The following NTM variants were observed in gnomAD, a reference collection of about 807,000 sequenced individuals.
The protein encoded by NTM is neurotrimin.
Under a neutral mutation model 42.1 loss-of-function variants are expected in NTM, and 13 were observed. The observed-to-expected ratio is 0.31, with a 90% CI of 0.20 to 0.49. The LOEUF is 0.49. NTM is among the 20% of genes least tolerant of loss of function. The probability of loss-of-function intolerance (pLI) is 0.99; values close to 1 mark genes in which losing one functional copy is unlikely to be tolerated. For synonymous variants in NTM, 187 were observed against 179.2 expected (o/e 1.04, Z -0.35); for missense variants, 373 against 452.8 (o/e 0.82, Z 1.60).
intron 2 of NTM, among the ~76,000 whole-genome samples, chr11:132,134,066 G>C (rs1218923418): frequency 6.6e-6 from 1 of 152,134 alleles, no homozygotes; most frequent in African/African-American, 2.4e-5. Context: ...TGGGACTATA[G>C]GCACATGCCA....
chr11:132,259,573 G>A (rs1036669399), intron 4 of NTM, among the ~76,000 whole-genome samples: 5 of 151,744 alleles, frequency 3.3e-5, no homozygotes, highest in Admixed American at 1.3e-4. Context: ...CCAGCTACTC[G>A]GGAGGCTGAG....
At chr11:131,943,810 C>G (rs916719206) in intron 2 of NTM, among the ~76,000 whole-genome samples, 1 of 152,104 alleles carries the variant, frequency 6.6e-6, no homozygotes, top group African/African-American at 2.4e-5. Context: ...TGCAGATAAT[C>G]AAAAGCACAG....
intron 1 of NTM, among the ~76,000 whole-genome samples, chr11:131,680,414 T>C (rs956626056): frequency 2.0e-5 from 3 of 148,692 alleles, no homozygotes; most frequent in African/African-American, 7.5e-5. Context: ...TGTGTAGGCA[T>C]GTGTGCCTCT....
chr11:131,533,208 AC>A (rs1387649033), intron 1 of NTM, among the ~76,000 whole-genome samples: 5 of 152,334 alleles, frequency 3.3e-5, no homozygotes, highest in Admixed American at 3.3e-4. Context: ...CTAAATAACA[AC>A]CCAGGAAAAC....
intron 1 of NTM, among the ~76,000 whole-genome samples, chr11:131,683,129 G>A (rs1198493957): frequency 6.6e-6 from 1 of 152,148 alleles, no homozygotes; most frequent in Non-Finnish European, 1.5e-5. Flanking sequence ...TAAAACCGAA[G>A]CTTCCCTTTC....
chr11:131,628,259 C>T (rs967552012), intron 1 of NTM, among the ~76,000 whole-genome samples: 3 of 152,168 alleles, frequency 2.0e-5, no homozygotes, highest in Non-Finnish European at 4.4e-5. Flanking sequence ...CACGGGTGAC[C>T]CCTTCCTCCC....
chr11:131,923,569 A>G (rs2057522186), intron 2 of NTM, among the ~76,000 whole-genome samples: 1 of 152,172 alleles, frequency 6.6e-6, no homozygotes, highest in Non-Finnish European at 1.5e-5. Context: ...TAAAATCTAC[A>G]CATGTGGAAT....
chr11:131,911,529 C>A (rs776232711), intron 1 of NTM, 35 bp from the exon 2 acceptor site: 1 of 1,614,124 alleles, frequency 6.2e-7, no homozygotes, highest in East Asian at 2.2e-5. Flanking sequence ...GCCTCGTGGT[C>A]GTGTCTCTCA....
At chr11:131,629,660 T>G (rs1397754476) in intron 1 of NTM, among the ~76,000 whole-genome samples, 1 of 152,164 alleles carries the variant, frequency 6.6e-6, no homozygotes, top group East Asian at 1.9e-4. Flanking sequence ...CATGGCTACA[T>G]GCACACAATT....
chr11:132,096,615 A>G (rs1236512389), intron 2 of NTM, among the ~76,000 whole-genome samples: 3 of 152,314 alleles, frequency 2.0e-5, no homozygotes, highest in East Asian at 3.9e-4. Flanking sequence ...CTGCAGTCTC[A>G]GACCCACCAC....
intron 1 of NTM, among the ~76,000 whole-genome samples, chr11:131,789,633 AG>A (rs2090458686): frequency 1.1e-5 from 1 of 89,942 alleles, no homozygotes; most frequent in African/African-American, 4.3e-5. Flanking sequence ...AAGAAGAAGA[AG>A]AAAAGAAGAA....
intron 1 of NTM, among the ~76,000 whole-genome samples, chr11:131,609,703 A>G (rs1021467422): frequency 4.6e-5 from 7 of 152,232 alleles, no homozygotes; most frequent in African/African-American, 1.7e-4. Flanking sequence ...TCTTATTTGC[A>G]GAATGTGTAA....
chr11:132,079,503 C>T (rs1337292661), intron 2 of NTM, among the ~76,000 whole-genome samples: 1 of 152,132 alleles, frequency 6.6e-6, no homozygotes, highest in Non-Finnish European at 1.5e-5. Context: ...TATCCTTGTT[C>T]CAGTGATGGA....
chr11:131,794,530 C>T, intron 1 of NTM: 1 of 985,270 alleles, frequency 1.0e-6, no homozygotes, highest in South Asian at 4.7e-5. Context: ...AATTTTACTC[C>T]TTGCTGCTTT....
intron 3 of NTM, among the ~76,000 whole-genome samples, chr11:132,201,302 G>A (rs527823616): frequency 1.3e-5 from 2 of 152,316 alleles, no homozygotes; most frequent in South Asian, 4.1e-4. Flanking sequence ...GGGGAGAGAA[G>A]CAACTAATGG....
chr11:132,010,404 C>T (rs900992835), intron 2 of NTM, among the ~76,000 whole-genome samples: 1 of 152,154 alleles, frequency 6.6e-6, no homozygotes, highest in Non-Finnish European at 1.5e-5. Flanking sequence ...AGGTCAGTCC[C>T]TGGCTGCTCT....
At chr11:131,645,936 T>A (rs2135537) in intron 1 of NTM, among the ~76,000 whole-genome samples, 126,233 of 152,196 alleles carry the variant, frequency 0.83, 52,567 homozygotes, top group East Asian at 0.91. Flanking sequence ...ACCAAGGCTT[T>A]GCGTCTAACC....
At chr11:131,857,485 A>G (rs2046216494) in intron 1 of NTM, among the ~76,000 whole-genome samples, 1 of 152,088 alleles carries the variant, frequency 6.6e-6, no homozygotes, top group Admixed American at 6.5e-5. Flanking sequence ...TCCCTCCCAT[A>G]GTACTCACTG....
intron 1 of NTM, among the ~76,000 whole-genome samples, chr11:131,507,541 C>T (rs543107773): frequency 6.1e-4 from 93 of 152,174 alleles, no homozygotes; most frequent in African/African-American, 2.1e-3. Context: ...GTGATGCGGG[C>T]TCTTTTTTGG....
Sources: gnomAD v4.1 joint callset for allele counts (sites outside exome capture counted in the v4.1 genomes callset) on GRCh38, gnomAD v4.1.1 for gene constraint, MANE v1.5 for transcripts, NCBI Gene and HGNC (gene_info 2026-07-23, HGNC 2026-07-21) for gene names.